The following ABCE1 variants were observed in gnomAD, a reference collection of about 807,000 sequenced individuals.
ABCE1 encodes ATP-binding cassette sub-family E member 1.
In ABCE1, 22 loss-of-function variants were observed where a neutral mutation model predicts 83.4. The observed-to-expected ratio is 0.26, with a 90% CI of 0.19 to 0.38. The LOEUF is 0.38. Ranked by LOEUF, ABCE1 falls within the 10% of genes least tolerant of loss-of-function variation. The probability of loss-of-function intolerance (pLI) is 1.00; values close to 1 mark genes in which losing one functional copy is unlikely to be tolerated. For missense variants in ABCE1, 330 were observed against 721.9 expected, an observed-to-expected ratio of 0.46 and a Z score of 6.22; for synonymous variants, 204 against 233.7, an observed-to-expected ratio of 0.87 and a Z score of 1.16.
intron 1 of ABCE1, among the ~76,000 whole-genome samples, chr4:145,104,065 GTGT>G (rs1749228869): frequency 6.6e-6 from 1 of 151,806 alleles, no homozygotes; most frequent in Admixed American, 6.6e-5. Context: ...ATATCATTTG[GTGT>G]TGTTTTAAAG....
At chr4:145,107,324 CA>C (rs906957009) in intron 3 of ABCE1, among the ~76,000 whole-genome samples, 2 of 152,050 alleles carry the variant, frequency 1.3e-5, no homozygotes, top group African/African-American at 4.8e-5. Context: ...TCCATGACCT[CA>C]AACGACTTTA....
intron 16 of ABCE1, 23 bp downstream of exon 16, chr4:145,123,623 T>C: frequency 1.3e-6 from 2 of 1,549,544 alleles, no homozygotes; most frequent in Non-Finnish European, 1.8e-6. Flanking sequence ...TTTAATATGT[T>C]CAAAGTAATT....
intron 10 of ABCE1, among the ~76,000 whole-genome samples, chr4:145,119,462 C>A (rs1319817835): frequency 2.6e-5 from 4 of 151,794 alleles, no homozygotes; most frequent in African/African-American, 9.7e-5. Flanking sequence ...TATGAACCTG[C>A]AGGATTAATT....
intron 13 of ABCE1, chr4:145,122,219 A>G (rs1373679072): frequency 6.6e-6 from 1 of 152,156 alleles, no homozygotes. Flanking sequence ...CATTCAATTT[A>G]TGTTTTGTCT....
intron 7 of ABCE1, 42 bp from the exon 8 acceptor site, chr4:145,110,926 A>G: frequency 6.8e-6 from 9 of 1,324,364 alleles, no homozygotes; most frequent in Non-Finnish European, 9.5e-6. Flanking sequence ...TACCTGGAAG[A>G]GGTGAAATAC....
At position 145,121,344 on chromosome 4, in the gene ABCE1, G is replaced by A; in HGVS notation, c.1216G>A (p.Val406Ile). The A allele has an allele frequency of 6.2e-7, 1 of 1,613,206 alleles. No homozygotes were observed. Among genetic ancestry groups the A allele is most frequent in the South Asian group, 1.1e-5 (1 of 90,894 alleles). Residue 406 changes from valine to isoleucine, a missense_variant, in exon 13 of 18, where the codon GTT becomes ATT. Coordinates refer to ENST00000296577, the MANE Select transcript of ABCE1 (RefSeq NM_002940.3). Reference protein sequence around the residue: ...LKPDEGGEVPVLNVSYKPQKI... With the variant: ...LKPDEGGEVPILNVSYKPQKI... The stretch of plus-strand genomic sequence containing the variant: ...TCATTATTTTGCAGGAGAAGTACCA[G>A]TTCTAAATGTCAGTTATAAGCCACA...
chr4:145,105,081 G>T (rs1443431207), intron 2 of ABCE1, among the ~76,000 whole-genome samples: 1 of 151,994 alleles, frequency 6.6e-6, no homozygotes, highest in African/African-American at 2.4e-5. Flanking sequence ...CTGAAACTTA[G>T]AAACTTTAGT....
chr4:145,105,639 A>G lies in ABCE1; in HGVS notation c.138A>G (p.Lys46=). The change falls in exon 3 of 18, where the codon AAA becomes AAG. Residue 46 remains lysine, a synonymous_variant. Coordinates refer to ENST00000296577, the MANE Select transcript of ABCE1 (RefSeq NM_002940.3). ...GCATAGAGGTTACACCCCAGAGCAAAATAGCATGGATTTCCGAAACTCTTT... is the reference window on the plus strand; with the variant it reads ...GCATAGAGGTTACACCCCAGAGCAAGATAGCATGGATTTCCGAAACTCTTT... ...KLCIEVTPQS[K]IAWISETLCI... 1 of 1,608,740 alleles carries G rather than the reference A, an allele frequency of 6.2e-7. No homozygotes were observed. The highest frequency in any genetic ancestry group is 1.7e-5 in the Admixed American group (1 of 59,854).
At chr4:145,127,270 A>G (rs1749912435) in intron 17 of ABCE1, among the ~76,000 whole-genome samples, 1 of 152,236 alleles carries the variant, frequency 6.6e-6, no homozygotes, top group Admixed American at 6.5e-5. Flanking sequence ...AATTTTATAT[A>G]TGTGAGGCAT....
chr4:145,124,970 G>C lies in ABCE1; in HGVS notation c.1641-20G>C. 6.7e-7 allele frequency: 1 copy of C among 1,501,572 alleles called. No homozygotes were observed. The highest frequency in any genetic ancestry group is 1.2e-5 in the South Asian group (1 of 84,990). The allele number at this position is 1,501,572 out of a possible 1,614,324, so 93.0% of individuals were successfully genotyped here. ...TCTGAAGTAAAATTTAATCAAAATT[G>C]ATTTTTTTTTTTCTCTTAGTCCTCA... On this transcript the variant is annotated intron_variant, in intron 16 of 17. Coordinates refer to ENST00000296577, the MANE Select transcript of ABCE1 (RefSeq NM_002940.3).
intron 9 of ABCE1, among the ~76,000 whole-genome samples, chr4:145,115,790 C>T (rs1749593470): frequency 6.6e-6 from 1 of 151,936 alleles, no homozygotes; most frequent in South Asian, 2.1e-4. Flanking sequence ...CTATCTTCCT[C>T]ATTTCCAATT....
intron 11 of ABCE1, among the ~76,000 whole-genome samples, chr4:145,120,685 T>C (rs1749717360): frequency 6.6e-6 from 1 of 152,100 alleles, no homozygotes; most frequent in Non-Finnish European, 1.5e-5. Context: ...ACTATTTGAA[T>C]TGTAATCTTA....
intron 1 of ABCE1, among the ~76,000 whole-genome samples, chr4:145,101,491 T>G (rs1749154513): frequency 6.6e-6 from 1 of 152,236 alleles, no homozygotes. Context: ...AGGAGTGACA[T>G]GATCTAGCTT....
rs929509364 is a variant in ABCE1 at position 145,124,917 on chromosome 4, A to C, written c.1641-73A>C. The stretch of plus-strand genomic sequence containing the variant: ...ATTTGAGGTAATAGTAATTCTTAAT[A>C]CCCTTCCTCTCAAAAGGTAGTTACA... On this transcript the variant is annotated intron_variant, in intron 16 of 17. Coordinates refer to ENST00000296577, the MANE Select transcript of ABCE1 (RefSeq NM_002940.3). 5 of 1,024,806 alleles carry C rather than the reference A, an allele frequency of 4.9e-6. No homozygotes were observed. In the East Asian group the frequency reaches 9.6e-5, roughly 20 times the overall value. 63.5% of individuals were successfully genotyped at this position (1,024,806 alleles called of 1,614,324 possible). A position where few individuals can be genotyped will look rare whatever the true frequency, so the allele number is the denominator to read the frequency against.
At chr4:145,115,450 A>G (rs1749585382) in intron 9 of ABCE1, among the ~76,000 whole-genome samples, 1 of 151,932 alleles carries the variant, frequency 6.6e-6, no homozygotes, top group South Asian at 2.1e-4. Context: ...ATTTTTATTG[A>G]TAATTACCAC....
In ABCE1 at chr4:145,119,912, G is replaced by C. The variant is rs1198839306; in HGVS notation, c.923-20G>C. 1.9e-6 allele frequency: 3 copies of C among 1,593,338 alleles called. No individual in the cohort carries two copies. The highest frequency in any genetic ancestry group is 1.7e-4 in the Middle Eastern group (1 of 6,022). On this transcript the variant is annotated intron_variant, in intron 10 of 17. Transcript: ENST00000296577. Reference sequence around the variant, plus strand: ...TTGGCTCTAATGATTTCTCCCGGTTGACAATTTTCTTCCCAACAGGCATAA... The same window carrying C: ...TTGGCTCTAATGATTTCTCCCGGTTCACAATTTTCTTCCCAACAGGCATAA...
chr4:145,111,231 C>A (rs936710989), intron 8 of ABCE1, 167 bp downstream of exon 8: 2 of 464,406 alleles, frequency 4.3e-6, no homozygotes, highest in Non-Finnish European at 7.6e-6. Context: ...ACTCATTTTC[C>A]CTGTTATATT....
At chr4:145,111,954 A>G (rs1305813229) in intron 8 of ABCE1, among the ~76,000 whole-genome samples, 5 of 152,212 alleles carry the variant, frequency 3.3e-5, no homozygotes, top group East Asian at 1.9e-4. Context: ...ACTTGAGACT[A>G]TATCAGAATA....
intron 4 of ABCE1, 44 bp downstream of exon 4, chr4:145,108,156 A>T: frequency 6.4e-7 from 1 of 1,554,954 alleles, no homozygotes; most frequent in Non-Finnish European, 8.8e-7. Context: ...AGTTAAGAGT[A>T]AAATACATTT....
Sources: gnomAD v4.1 joint callset for allele counts (sites outside exome capture counted in the v4.1 genomes callset) on GRCh38, gnomAD v4.1.1 for gene constraint, MANE v1.5 for transcripts, NCBI Gene and HGNC (gene_info 2026-07-23, HGNC 2026-07-21) for gene names.